KDM5B: variants seen among roughly 807,000 people sequenced by gnomAD.
The protein encoded by KDM5B is lysine-specific demethylase 5B.
KDM5B carries 144 observed loss-of-function variants against 193.4 expected under a neutral mutation model. The ratio of observed to expected loss-of-function variants is 0.74; its 90% CI spans 0.65 to 0.86. KDM5B has a LOEUF of 0.86. Ranked by LOEUF, KDM5B falls within the 40% of genes least tolerant of loss-of-function variation. The pLI is 0.00. For synonymous variants in KDM5B, 668 were observed against 682.6 expected (o/e 0.98, Z 0.33); for missense variants, 1,833 against 1,886.9 (o/e 0.97, Z 0.53).
At chr1:202,780,230 G>T (rs1032840902) in intron 1 of KDM5B, among the ~76,000 whole-genome samples, 4 of 151,912 alleles carry the variant, frequency 2.6e-5, no homozygotes, top group Admixed American at 2.6e-4. Context: ...ACCCAGGCTG[G>T]AATGCAATGG....
intron 16 of KDM5B, among the ~76,000 whole-genome samples, chr1:202,745,240 TG>T (rs1388854159): frequency 5.3e-5 from 8 of 152,184 alleles, no homozygotes; most frequent in Non-Finnish European, 1.0e-4. Flanking sequence ...GCTTAATACC[TG>T]GATGATGAAA....
At chr1:202,768,319 C>A (rs916476282) in intron 4 of KDM5B, among the ~76,000 whole-genome samples, 1 of 152,120 alleles carries the variant, frequency 6.6e-6, no homozygotes, top group African/African-American at 2.4e-5. Context: ...AGGAACATCA[C>A]GAAAAACCTT....
In KDM5B at chr1:202,726,509, C is replaced by G. The variant is rs538338449; in HGVS notation, c.*2527G>C. 6.6e-5 allele frequency: 10 copies of G among 152,332 alleles called. No homozygotes were observed. The highest frequency in any genetic ancestry group is 2.2e-4 in the African/African-American group (9 of 41,560). 9.4% of individuals were successfully genotyped at this position (152,332 alleles called of 1,614,324 possible). ...AGGTGAGGTGGAAGGCACACCTCAT[C>G]TACCCTTTCTTTCTTTACCCACTGA... On this transcript the variant is annotated 3_prime_UTR_variant, in exon 27 of 27. Transcript: ENST00000367265.
intron 1 of KDM5B, among the ~76,000 whole-genome samples, chr1:202,799,545 AG>A (rs1299463251): frequency 6.6e-6 from 1 of 151,940 alleles, no homozygotes; most frequent in African/African-American, 2.4e-5. Flanking sequence ...CCCAGCTACT[AG>A]GAAGGCTGAG....
intron 6 of KDM5B, among the ~76,000 whole-genome samples, chr1:202,763,379 TTAAAG>T (rs1656326559): frequency 6.6e-6 from 1 of 152,220 alleles, no homozygotes; most frequent in Non-Finnish European, 1.5e-5. Flanking sequence ...AAAACTGATG[TTAAAG>T]TAAATCAAGA....
intron 5 of KDM5B, among the ~76,000 whole-genome samples, chr1:202,764,988 G>A (rs1175712410): frequency 6.6e-6 from 1 of 152,174 alleles, no homozygotes; most frequent in African/African-American, 2.4e-5. Flanking sequence ...AAAACAAAGA[G>A]AAGTGTTTCT....
rs372788514 is a variant in KDM5B at position 202,745,795 on chromosome 1, A to G, written c.2323+63T>C. 2.1e-5 allele frequency: 34 copies of G among 1,582,722 alleles called. 2 individuals carry two copies. In the African/African-American group the frequency reaches 3.9e-4, roughly 18 times the overall value. ...TTCAAGAAATGTTTTGTTGACTTTA[A>G]TTTGGCTACATCACAATAAGCCCCA... is the stretch of plus-strand genomic sequence containing the variant. On this transcript the variant is annotated intron_variant, in intron 16 of 26. Transcript: ENST00000367265.
chr1:202,738,894 A>G (rs191419186), intron 20 of KDM5B, among the ~76,000 whole-genome samples: 4 of 152,248 alleles, frequency 2.6e-5, no homozygotes, highest in African/African-American at 9.6e-5. Flanking sequence ...ACTTATATAC[A>G]GGTCAATAAG....
At position 202,749,073 on chromosome 1, in the gene KDM5B, C is replaced by T. The variant is rs760881914; in HGVS notation, c.1888G>A (p.Asp630Asn). 3.1e-6 allele frequency: 5 copies of T among 1,614,012 alleles called. No individual in the cohort carries two copies. Among genetic ancestry groups the T allele is most frequent in the African/African-American group, 1.3e-5 (1 of 74,922 alleles). The change falls in exon 14 of 27, where the codon GAT becomes AAT. Residue 630 changes from aspartate (D) to asparagine (N), a missense_variant. Asp to Asn is a conservative substitution (Grantham distance 23). Transcript: ENST00000367265. ...LLHRYCVFSH[D>N]EMICKMASKA... Reference sequence around the variant, plus strand: ...GAAGCCATCTTGCAGATCATCTCATCGTGGGAAAACACACAATATCGATGA... The same window carrying T: ...GAAGCCATCTTGCAGATCATCTCATTGTGGGAAAACACACAATATCGATGA...
chr1:202,767,168 C>T (rs1656503281), intron 4 of KDM5B, 108 bp from the exon 5 acceptor site: 4 of 1,550,224 alleles, frequency 2.6e-6, no homozygotes, highest in Non-Finnish European at 3.6e-6. Context: ...TGATCTACTT[C>T]CAGAGGCTGC....
chr1:202,761,571 C>T (rs1163859399), intron 7 of KDM5B, among the ~76,000 whole-genome samples: 1 of 152,126 alleles, frequency 6.6e-6, no homozygotes, highest in African/African-American at 2.4e-5. Flanking sequence ...GAAGTCCTAA[C>T]CCTCAGTACC....
intron 8 of KDM5B, 35 bp from the exon 9 acceptor site, chr1:202,758,545 T>G: frequency 6.4e-7 from 1 of 1,552,896 alleles, no homozygotes; most frequent in Non-Finnish European, 8.8e-7. Context: ...TAGGTGACAC[T>G]GAAAACATCA....
intron 7 of KDM5B, among the ~76,000 whole-genome samples, chr1:202,762,444 G>C (rs770314444): frequency 1.1e-4 from 17 of 152,174 alleles, no homozygotes; most frequent in Non-Finnish European, 4.4e-5. Flanking sequence ...GTGCTAAACT[G>C]AATGTATTCC....
At chr1:202,748,089 A>G (rs1655637118) in intron 14 of KDM5B, among the ~76,000 whole-genome samples, 1 of 152,230 alleles carries the variant, frequency 6.6e-6, no homozygotes, top group Non-Finnish European at 1.5e-5. Flanking sequence ...ACAAGAGTCC[A>G]GAAATAGACC....
At chr1:202,761,609 G>A (rs1398809040) in intron 7 of KDM5B, among the ~76,000 whole-genome samples, 4 of 152,086 alleles carry the variant, frequency 2.6e-5, no homozygotes, top group Non-Finnish European at 4.4e-5. Flanking sequence ...TTGGAAATGA[G>A]TCCTTACGGA....
intron 14 of KDM5B, chr1:202,746,553 G>A: frequency 2.4e-6 from 1 of 420,636 alleles, no homozygotes; most frequent in Non-Finnish European, 4.2e-6. Context: ...CCTTATGTTT[G>A]GTCATTTTGA....
intron 1 of KDM5B, among the ~76,000 whole-genome samples, chr1:202,802,691 G>C (rs1055079551): frequency 6.6e-6 from 1 of 152,060 alleles, no homozygotes; most frequent in Non-Finnish European, 1.5e-5. Flanking sequence ...ACTATGCCCA[G>C]CCCTGTATTT....
intron 7 of KDM5B, among the ~76,000 whole-genome samples, chr1:202,761,636 G>A (rs957599860): frequency 1.3e-5 from 2 of 152,104 alleles, no homozygotes; most frequent in African/African-American, 4.8e-5. Context: ...CATCCAATAT[G>A]ACTGCTGTCC....
chr1:202,741,227 C>T (rs1655324019), intron 19 of KDM5B, 140 bp downstream of exon 19: 1 of 539,288 alleles, frequency 1.9e-6, no homozygotes, highest in Non-Finnish European at 3.1e-6. Flanking sequence ...CTCCAAATAT[C>T]TCAGCTATTT....
Sources: allele counts gnomAD v4.1 joint callset (sites outside exome capture counted in the v4.1 genomes callset), GRCh38; gene constraint gnomAD v4.1.1; transcripts MANE v1.5; gene names NCBI Gene and HGNC (gene_info 2026-07-23, HGNC 2026-07-21).